The following SAE1 variants were observed in gnomAD, a reference collection of about 807,000 sequenced individuals.
The protein encoded by SAE1 is SUMO1 activating enzyme subunit 1.
A neutral mutation model predicts 40.6 loss-of-function variants in SAE1; 11 were observed. The observed-to-expected ratio is 0.27, with a 90% CI of 0.17 to 0.45. The LOEUF is 0.45. Among genes scored for constraint, SAE1 ranks in the 20% least tolerant of loss-of-function variants. The probability of loss-of-function intolerance (pLI) is 1.00; values close to 1 mark genes in which losing one functional copy is unlikely to be tolerated. For missense variants in SAE1, 373 were observed against 427.3 expected, an observed-to-expected ratio of 0.87 and a Z score of 1.12; for synonymous variants, 155 against 154.3, an observed-to-expected ratio of 1.00 and a Z score of -0.03.
chr19:47,154,509 T>TTTTTG (rs1170158203), intron 4 of SAE1, among the ~76,000 whole-genome samples: 63 of 126,628 alleles, frequency 5.0e-4, no homozygotes, highest in African/African-American at 1.8e-3. Flanking sequence ...TTTTTTTTTT[T>TTTTTG]TCTGAGACAG....
chr19:47,168,534 T>G (rs1325407248), intron 5 of SAE1, among the ~76,000 whole-genome samples: 3 of 152,164 alleles, frequency 2.0e-5, no homozygotes, highest in Non-Finnish European at 2.9e-5. Flanking sequence ...ACTCAGGTGA[T>G]CATGCCACTT....
At chr19:47,145,458 G>A (rs2058250275) in intron 2 of SAE1, among the ~76,000 whole-genome samples, 3 of 152,128 alleles carry the variant, frequency 2.0e-5, no homozygotes, top group African/African-American at 7.2e-5. Context: ...ACATAATGCT[G>A]TTTGATTAAT....
intron 1 of SAE1, among the ~76,000 whole-genome samples, chr19:47,141,185 A>C (rs958941880): frequency 2.6e-5 from 4 of 151,852 alleles, no homozygotes; most frequent in African/African-American, 9.7e-5. Flanking sequence ...TATTTTCTGT[A>C]GAGACACGGT....
At chr19:47,164,547 A>G (rs2058378573) in intron 5 of SAE1, among the ~76,000 whole-genome samples, 1 of 145,662 alleles carries the variant, frequency 6.9e-6, no homozygotes, top group Non-Finnish European at 1.5e-5. Context: ...CACCTATTGT[A>G]TTGAGGTTAT....
At chr19:47,180,041 T>C (rs921075113) in intron 6 of SAE1, 5 of 383,024 alleles carry the variant, frequency 1.3e-5, no homozygotes, top group East Asian at 1.5e-4. Context: ...TGGTATTGGA[T>C]TGGAATTGAA....
chr19:47,142,754 C>G (rs565272598), intron 1 of SAE1: 1 of 152,182 alleles, frequency 6.6e-6, no homozygotes, highest in Admixed American at 6.6e-5. Context: ...TGCCAAATAT[C>G]TGTGTGTTTG....
intron 5 of SAE1, among the ~76,000 whole-genome samples, chr19:47,162,998 A>C (rs1286728730): frequency 6.6e-6 from 1 of 152,152 alleles, no homozygotes; most frequent in African/African-American, 2.4e-5. Flanking sequence ...TCTCAAAAAA[A>C]AATTTTTTTT....
intron 8 of SAE1, among the ~76,000 whole-genome samples, chr19:47,205,332 T>C (rs1033493747): frequency 6.6e-6 from 1 of 151,936 alleles, no homozygotes; most frequent in African/African-American, 2.4e-5. Flanking sequence ...TTTTTTTTTT[T>C]TTTTTGTCTA....
intron 3 of SAE1, 58 bp downstream of exon 3, chr19:47,150,433 T>G (rs1282726715): frequency 3.6e-6 from 5 of 1,370,024 alleles, no homozygotes; most frequent in Non-Finnish European, 5.0e-6. Context: ...GTGCTAGTTG[T>G]ATATACTTTC....
intron 6 of SAE1, among the ~76,000 whole-genome samples, chr19:47,182,003 C>G (rs939513283): frequency 6.6e-6 from 1 of 151,814 alleles, no homozygotes; most frequent in African/African-American, 2.4e-5. Context: ...CTAGGCTGGT[C>G]TTGAACTCCT....
chr19:47,149,944 G>A (rs942962952), intron 2 of SAE1, among the ~76,000 whole-genome samples: 1 of 151,660 alleles, frequency 6.6e-6, no homozygotes, highest in Non-Finnish European at 1.5e-5. Flanking sequence ...TTGTGGTGGT[G>A]CGTGCTTGTA....
intron 1 of SAE1, among the ~76,000 whole-genome samples, chr19:47,136,337 T>C (rs1308224997): frequency 6.6e-6 from 1 of 150,654 alleles, no homozygotes; most frequent in Non-Finnish European, 1.5e-5. Context: ...ATGGGGTTGC[T>C]GTGTTGGCCA....
chr19:47,152,949 T>C lies in SAE1; in HGVS notation c.436T>C (p.Cys146Arg). ...RDVIVKVDQI[C>R]HKNSIKFFTG... Reference sequence around the variant, plus strand: ...TGTCATAGTTAAAGTTGACCAGATCTGTCACAAAAATAGCATCAAGTTCTT... The same window carrying C: ...TGTCATAGTTAAAGTTGACCAGATCCGTCACAAAAATAGCATCAAGTTCTT... Residue 146 changes from cysteine to arginine, a missense_variant, in exon 4 of 9, where the codon TGT (cysteine) becomes CGT (arginine). Cys to Arg is a radical substitution (Grantham distance 180). Transcript: ENST00000270225. 6.2e-7 allele frequency: 1 copy of C among 1,612,546 alleles called. No individual in the cohort carries two copies. The highest frequency in any genetic ancestry group is 8.5e-7 in the Non-Finnish European group (1 of 1,179,886).
intron 1 of SAE1, among the ~76,000 whole-genome samples, chr19:47,132,970 G>C (rs568957462): frequency 7.9e-5 from 12 of 152,132 alleles, no homozygotes; most frequent in African/African-American, 2.9e-4. Flanking sequence ...TGTTTTGATA[G>C]GTTGGCCAGG....
chr19:47,188,301 A>T (rs969356086), intron 6 of SAE1, among the ~76,000 whole-genome samples: 5 of 151,886 alleles, frequency 3.3e-5, no homozygotes, highest in Non-Finnish European at 5.9e-5. Context: ...CAATGAGCTG[A>T]GATTGTGCTG....
chr19:47,134,841 T>C (rs1194440504), intron 1 of SAE1, among the ~76,000 whole-genome samples: 1 of 151,802 alleles, frequency 6.6e-6, no homozygotes, highest in Non-Finnish European at 1.5e-5. Context: ...GGCATGGAAT[T>C]TGTGGGAGGT....
chr19:47,172,908 C>G (rs192080435), intron 6 of SAE1, among the ~76,000 whole-genome samples: 5 of 152,280 alleles, frequency 3.3e-5, no homozygotes, highest in Admixed American at 3.3e-4. Flanking sequence ...TTAACACCAC[C>G]AGCTACAGAG....
intron 8 of SAE1, among the ~76,000 whole-genome samples, chr19:47,206,001 CCTTA>C (rs1265171729): frequency 6.6e-6 from 1 of 152,188 alleles, no homozygotes; most frequent in Non-Finnish European, 1.5e-5. Context: ...GCATTGTCAG[CCTTA>C]CTTCTGCACA....
intron 7 of SAE1, among the ~76,000 whole-genome samples, chr19:47,198,884 T>G (rs1245906124): frequency 1.3e-5 from 2 of 151,764 alleles, no homozygotes; most frequent in Non-Finnish European, 2.9e-5. Flanking sequence ...CTTAGGAGTT[T>G]GAGGCCAACC....
Sources: allele counts gnomAD v4.1 joint callset (sites outside exome capture counted in the v4.1 genomes callset), GRCh38; gene constraint gnomAD v4.1.1; transcripts MANE v1.5; gene names NCBI Gene and HGNC (gene_info 2026-07-23, HGNC 2026-07-21).